The following NPAS3 variants were observed in gnomAD, a reference collection of about 807,000 sequenced individuals.
The protein encoded by NPAS3 is neuronal PAS domain-containing protein 3.
In NPAS3, 14 loss-of-function variants were observed where a neutral mutation model predicts 73.1. That is an observed-to-expected ratio of 0.19 (90% CI 0.13 to 0.30). NPAS3 has a LOEUF of 0.30. Ranked by LOEUF, NPAS3 falls within the 10% of genes least tolerant of loss-of-function variation. The pLI, the probability that NPAS3 is intolerant of heterozygous loss-of-function variation, is 1.00. For synonymous variants in NPAS3, 620 were observed against 541.5 expected (o/e 1.14, Z -2.01); for missense variants, 1,096 against 1,250.0 (o/e 0.88, Z 1.86).
chr14:33,747,443 G>A lies in NPAS3; in HGVS notation c.852+12111G>A, dbSNP rs558931354. On this transcript the variant is annotated intron_variant, in intron 7 of 11. Transcript: ENST00000356141. ...GTTGTAGTGACTTTCCAGGGCACAA[G>A]GGACCAATTTTATCTGTCCCATCCC... 5.9e-5 allele frequency among the ~76,000 whole-genome samples: 9 copies of A among 152,296 alleles called. No homozygotes were observed. In the South Asian group the frequency reaches 1.2e-3, roughly 21 times the overall value.
intron 2 of NPAS3, among the ~76,000 whole-genome samples, chr14:33,085,074 C>G (rs1034099804): frequency 6.6e-6 from 1 of 152,152 alleles, no homozygotes; most frequent in African/African-American, 2.4e-5. Context: ...AAGTTCAAGG[C>G]ACATGAATAT....
chr14:33,649,500 G>T (rs935536932), intron 5 of NPAS3, among the ~76,000 whole-genome samples: 2 of 152,138 alleles, frequency 1.3e-5, no homozygotes, highest in African/African-American at 2.4e-5. Flanking sequence ...TCACAAAATG[G>T]ACACTTACTT....
intron 4 of NPAS3, among the ~76,000 whole-genome samples, chr14:33,497,441 T>C (rs2052260267): frequency 6.6e-6 from 1 of 152,076 alleles, no homozygotes; most frequent in South Asian, 2.1e-4. Context: ...CTACCTGACT[T>C]CAAACTATAC....
chr14:33,446,174 T>C (rs111821752), intron 4 of NPAS3, among the ~76,000 whole-genome samples: 4 of 96,556 alleles, frequency 4.1e-5, no homozygotes, highest in African/African-American at 1.1e-4. Flanking sequence ...TTCTTTTTTT[T>C]TTTTTTTTTT....
chr14:33,063,654 T>C (rs1281810445), intron 2 of NPAS3, among the ~76,000 whole-genome samples: 1 of 152,174 alleles, frequency 6.6e-6, no homozygotes, highest in Non-Finnish European at 1.5e-5. Flanking sequence ...GCATAGTTGA[T>C]AGTAGTGACA....
chr14:33,774,617 C>T, intron 8 of NPAS3, 87 bp downstream of exon 8: 2 of 1,037,336 alleles, frequency 1.9e-6, no homozygotes, highest in African/African-American at 3.1e-5. Context: ...TGGTACTCTC[C>T]CAGTGAGGTT....
chr14:33,471,145 A>G (rs2050764761), intron 4 of NPAS3, among the ~76,000 whole-genome samples: 2 of 152,196 alleles, frequency 1.3e-5, no homozygotes, highest in African/African-American at 4.8e-5. Flanking sequence ...TGCTCTGTGC[A>G]TTCCAAAATG....
chr14:33,338,792 A>C (rs4981188), intron 3 of NPAS3, among the ~76,000 whole-genome samples: 1 of 152,100 alleles, frequency 6.6e-6, no homozygotes, highest in African/African-American at 2.4e-5. Context: ...TTTATTAGGG[A>C]ATTGAAAAAG....
intron 4 of NPAS3, among the ~76,000 whole-genome samples, chr14:33,509,299 A>G (rs999050642): frequency 6.6e-6 from 1 of 152,024 alleles, no homozygotes; most frequent in Admixed American, 6.6e-5. Flanking sequence ...GGGCAAGAAC[A>G]GAAGAGAATC....
At chr14:33,436,186 C>T (rs1409173920) in intron 4 of NPAS3, among the ~76,000 whole-genome samples, 1 of 152,186 alleles carries the variant, frequency 6.6e-6, no homozygotes, top group Admixed American at 6.5e-5. Context: ...CGAGAGGTGA[C>T]TCCTTTCTCG....
intron 5 of NPAS3, among the ~76,000 whole-genome samples, chr14:33,573,917 A>G (rs963052785): frequency 3.3e-5 from 5 of 152,192 alleles, no homozygotes; most frequent in Admixed American, 2.0e-4. Flanking sequence ...TGGACTCGAG[A>G]AGCCTTTTTC....
intron 5 of NPAS3, 65 bp downstream of exon 5, chr14:33,560,275 C>T (rs1320021401): frequency 2.6e-6 from 2 of 762,196 alleles, no homozygotes; most frequent in Non-Finnish European, 4.7e-6. Context: ...CATGTTTTTC[C>T]TTCTTCAAGG....
At chr14:33,774,888 C>T (rs1055141400) in intron 8 of NPAS3, among the ~76,000 whole-genome samples, 2 of 151,968 alleles carry the variant, frequency 1.3e-5, no homozygotes, top group East Asian at 1.9e-4. Context: ...CTGCCTAATT[C>T]GAGGGCCTGG....
At chr14:33,033,675 A>T (rs935883633) in intron 1 of NPAS3, among the ~76,000 whole-genome samples, 2 of 152,150 alleles carry the variant, frequency 1.3e-5, no homozygotes, top group Non-Finnish European at 2.9e-5. Context: ...AAGAGCTGTC[A>T]TACATCACAT....
At chr14:33,589,048 C>G (rs7155330) in intron 5 of NPAS3, among the ~76,000 whole-genome samples, 11,574 of 152,220 alleles carry the variant, frequency 0.076, 467 homozygotes, top group South Asian at 0.13. Flanking sequence ...AACCTCTAAT[C>G]TCTTGTAAAG....
intron 5 of NPAS3, among the ~76,000 whole-genome samples, chr14:33,590,643 C>T (rs2057031180): frequency 1.3e-5 from 2 of 152,082 alleles, no homozygotes; most frequent in Admixed American, 6.6e-5. Flanking sequence ...CATGTAATCC[C>T]AGTTACATAA....
chr14:33,722,613 A>G (rs894666548), intron 6 of NPAS3, among the ~76,000 whole-genome samples: 13 of 152,126 alleles, frequency 8.5e-5, no homozygotes, highest in African/African-American at 2.9e-4. Flanking sequence ...TTAGGTATTA[A>G]GATGGAGCAG....
intron 1 of NPAS3, among the ~76,000 whole-genome samples, chr14:33,034,038 A>G (rs2040082560): frequency 1.3e-5 from 2 of 152,212 alleles, no homozygotes; most frequent in African/African-American, 4.8e-5. Context: ...GAGGATAAAT[A>G]AATGTAATGG....
chr14:32,979,252 T>C (rs1277291713), intron 1 of NPAS3, among the ~76,000 whole-genome samples: 2 of 152,226 alleles, frequency 1.3e-5, no homozygotes, highest in Non-Finnish European at 2.9e-5. Context: ...AAAACCTCTA[T>C]GCCTTCAAAC....
Sources: allele counts gnomAD v4.1 joint callset (sites outside exome capture counted in the v4.1 genomes callset), GRCh38; gene constraint gnomAD v4.1.1; transcripts MANE v1.5; gene names NCBI Gene and HGNC (gene_info 2026-07-23, HGNC 2026-07-21).